KATNA1: variants seen among roughly 807,000 people sequenced by gnomAD.
KATNA1 encodes katanin p60 ATPase-containing subunit A1.
KATNA1 carries 42 observed loss-of-function variants against 62.6 expected under a neutral mutation model. The observed-to-expected ratio is 0.67, with a 90% CI of 0.52 to 0.87. The LOEUF is 0.87. KATNA1 is among the 40% of genes least tolerant of loss of function. KATNA1 has a pLI of 0.00. For missense variants in KATNA1, 498 were observed against 612.5 expected (o/e 0.81, Z 1.97); for synonymous variants, 186 against 201.9 (o/e 0.92, Z 0.67).
intron 4 of KATNA1, among the ~76,000 whole-genome samples, chr6:149,605,941 G>A (rs1209255965): frequency 6.6e-6 from 1 of 152,018 alleles, no homozygotes; most frequent in African/African-American, 2.4e-5. Context: ...ATTATTTTTA[G>A]TGGAGATGGG....
chr6:149,646,661 C>G (rs1022819380), intron 1 of KATNA1, among the ~76,000 whole-genome samples: 4 of 152,056 alleles, frequency 2.6e-5, no homozygotes, highest in Admixed American at 2.6e-4. Flanking sequence ...TTTAAAAACA[C>G]CAAAAAGCAA....
At chr6:149,638,655 G>T in intron 1 of KATNA1, 95 bp from the exon 2 acceptor site, 1 of 642,064 alleles carries the variant, frequency 1.6e-6, no homozygotes, top group Non-Finnish European at 2.5e-6. Context: ...GCTCCCTCAA[G>T]AAACAATCAC....
At position 149,598,288 on chromosome 6, in the gene KATNA1, T is replaced by C. The variant is rs1582748973; in HGVS notation, c.951A>G (p.Arg317=). 2 of 1,613,844 alleles carry C rather than the reference T, an allele frequency of 1.2e-6. No individual in the cohort carries two copies. The highest frequency in any genetic ancestry group is 1.7e-6 in the Non-Finnish European group (2 of 1,179,862). Residue 317 remains arginine, a synonymous_variant, in exon 8 of 11, where the codon CGA becomes CGG. Transcript: ENST00000367411. ...TTGCTTCATGTTCTTCAGAAGTCCC[T>C]CGGCGACTACAGATGGAGTCTATCT... The part of the protein sequence containing the change: ...IDEIDSICSR[R]GTSEEHEASR...
At chr6:149,641,070 A>G (rs903696996) in intron 1 of KATNA1, among the ~76,000 whole-genome samples, 2 of 146,874 alleles carry the variant, frequency 1.4e-5, no homozygotes, top group Non-Finnish European at 3.0e-5. Flanking sequence ...GGGTTTCTCC[A>G]TTTTGGTCAC....
rs536837679 is a variant in KATNA1 at position 149,622,882 on chromosome 6, A to G, written c.501+221T>C. Among the ~76,000 whole-genome samples, 7 of 152,018 alleles carry G rather than the reference A, an allele frequency of 4.6e-5. No homozygotes were observed. In the South Asian group the frequency reaches 1.2e-3, roughly 27 times the overall value. ...AAATTAGCTCGATGTGGTGGCGCCCACTTGTAATCCCTGCCACTCGGAAGG... is the reference window on the plus strand; with the variant it reads ...AAATTAGCTCGATGTGGTGGCGCCCGCTTGTAATCCCTGCCACTCGGAAGG... On this transcript the variant is annotated intron_variant, in intron 4 of 10. Transcript: ENST00000367411.
intron 6 of KATNA1, among the ~76,000 whole-genome samples, chr6:149,602,721 A>ATTTTT (rs563234607): frequency 7.1e-6 from 1 of 140,890 alleles, no homozygotes; most frequent in Admixed American, 7.2e-5. Flanking sequence ...GTGAATTCTA[A>ATTTTT]TTTTTTTTTT....
At chr6:149,626,922 T>TGCAGTGAGCTGAGGTC (rs1373357781) in intron 3 of KATNA1, among the ~76,000 whole-genome samples, 40 of 151,918 alleles carry the variant, frequency 2.6e-4, no homozygotes, top group South Asian at 1.0e-3. Context: ...AGGCGGAGGT[T>TGCAGTGAGCTGAGGTC]GCAGTGAGCT....
At chr6:149,632,086 C>T (rs976466278) in intron 3 of KATNA1, among the ~76,000 whole-genome samples, 1 of 152,174 alleles carries the variant, frequency 6.6e-6, no homozygotes, top group African/African-American at 2.4e-5. Flanking sequence ...AACTTCCTCT[C>T]TTTGCGTAAG....
rs1780155668 is a variant in KATNA1, at chr6:149,638,588, C to T, written c.-13-28G>A. 9 of 1,503,578 alleles carry T rather than the reference C, an allele frequency of 6.0e-6. No homozygotes were observed. The Admixed American group carries it at 7.7e-5, about 13-fold the overall frequency. 93.1% of individuals were successfully genotyped at this position (1,503,578 alleles called of 1,614,324 possible). On this transcript the variant is annotated intron_variant, in intron 1 of 10. Transcript: ENST00000367411. ...AAAAAGAAGAAGAAAAAAAGAAACA[C>T]TTTAGGTTTACATGTCTCTTAAAAA... is the stretch of plus-strand genomic sequence containing the variant.
chr6:149,608,743 T>C (rs1778834575), intron 4 of KATNA1, among the ~76,000 whole-genome samples: 1 of 152,084 alleles, frequency 6.6e-6, no homozygotes, highest in African/African-American at 2.4e-5. Context: ...AGAGGGAACC[T>C]AGACTTCCAC....
At position 149,628,560 on chromosome 6, in the gene KATNA1, G is replaced by A. The variant is rs150607262; in HGVS notation, c.320+4199C>T. On this transcript the variant is annotated intron_variant, in intron 3 of 10. Coordinates refer to ENST00000367411, the MANE Select transcript of KATNA1 (RefSeq NM_007044.4). ...CTCTCGGCCGGGAGCATAGGCTCAC[G>A]CCTGTAATCCCAGCACTTTGGGAGG... Among the ~76,000 whole-genome samples the A allele has an allele frequency of 3.1e-3, 463 of 151,706 alleles. 2 individuals are homozygous for A. The highest frequency in any genetic ancestry group is 4.6e-3 in the Non-Finnish European group (309 of 67,892).
At chr6:149,645,008 C>T (rs75985682) in intron 1 of KATNA1, among the ~76,000 whole-genome samples, 2,910 of 152,210 alleles carry the variant, frequency 0.019, 98 homozygotes, top group African/African-American at 0.068. Flanking sequence ...ACATCCTTCT[C>T]GAATGTCACA....
intron 9 of KATNA1, 127 bp from the exon 10 acceptor site, chr6:149,597,316 A>G (rs1017219875): frequency 3.1e-5 from 38 of 1,238,094 alleles, no homozygotes; most frequent in Non-Finnish European, 4.2e-5. Context: ...GAGATAATTA[A>G]GTAAAGAGCC....
intron 4 of KATNA1, among the ~76,000 whole-genome samples, chr6:149,605,172 CAA>C (rs377444733): frequency 1.2e-4 from 14 of 121,320 alleles, no homozygotes; most frequent in Admixed American, 1.7e-4. Flanking sequence ...GACACCAACT[CAA>C]AAAAAAAAAA....
Position 149,597,504 on chromosome 6 carries a change from T to TAG in KATNA1, c.1150+2_1150+3insCT. 6.2e-7 allele frequency: 1 copy of TAG among 1,613,756 alleles called. No homozygotes were observed. Among genetic ancestry groups the TAG allele is most frequent in the African/African-American group, 1.3e-5 (1 of 75,028 alleles). ...CTTTCTGACAAGATTGAAAGGAAGA[T>TAG]ACCTGACGGCAAAGGAATATAGATT... On this transcript the variant is annotated splice_region_variant and intron_variant, in intron 9 of 10. Transcript: ENST00000367411.
In KATNA1 at chr6:149,618,006, T is replaced by C. The variant is rs1346512638; in HGVS notation, c.501+5097A>G. On this transcript the variant is annotated intron_variant, in intron 4 of 10. Coordinates refer to ENST00000367411, the MANE Select transcript of KATNA1 (RefSeq NM_007044.4). ...AATAAATAAATATATATATATAAAATTAGCTGGGCATGGTGGCACATGCCT... is the reference window on the plus strand; with the variant it reads ...AATAAATAAATATATATATATAAAACTAGCTGGGCATGGTGGCACATGCCT... Among the ~76,000 whole-genome samples the C allele has an allele frequency of 2.8e-5, 4 of 142,916 alleles. No individual in the cohort carries two copies. In the East Asian group the frequency reaches 8.4e-4, roughly 30 times the overall value. The allele number at this position is 142,916 out of a possible 152,430, so 93.8% of individuals were successfully genotyped here.
At chr6:149,605,581 C>T (rs917710886) in intron 4 of KATNA1, among the ~76,000 whole-genome samples, 16 of 152,064 alleles carry the variant, frequency 1.1e-4, no homozygotes, top group African/African-American at 2.9e-4. Flanking sequence ...ATTAGGGCCA[C>T]GGTTCCCAAA....
chr6:149,636,012 G>A (rs753095748), intron 2 of KATNA1, among the ~76,000 whole-genome samples: 2 of 151,778 alleles, frequency 1.3e-5, no homozygotes, highest in South Asian at 2.1e-4. Flanking sequence ...CTGAGACCGC[G>A]CCATTGCACT....
At chr6:149,623,051 A>AT (rs747570103) in intron 4 of KATNA1, 52 bp downstream of exon 4, 1 of 1,354,426 alleles carries the variant, frequency 7.4e-7, no homozygotes, top group Non-Finnish European at 1.0e-6. Context: ...TACAGTCTTC[A>AT]TTTTTACGGT....
Sources: gnomAD v4.1 joint callset for allele counts (sites outside exome capture counted in the v4.1 genomes callset) on GRCh38, gnomAD v4.1.1 for gene constraint, MANE v1.5 for transcripts, NCBI Gene and HGNC (gene_info 2026-07-23, HGNC 2026-07-21) for gene names.